Variants in HSP90AA1 observed in about 807,000 individuals in gnomAD.
HSP90AA1 encodes the protein heat shock protein 90 alpha family class A member 1.
Under a neutral mutation model 73.3 loss-of-function variants are expected in HSP90AA1, and 18 were observed. That is an observed-to-expected ratio of 0.25 (90% CI 0.17 to 0.36). HSP90AA1 has a LOEUF of 0.36. Ranked by LOEUF, HSP90AA1 falls within the 10% of genes least tolerant of loss-of-function variation. HSP90AA1 has a pLI of 1.00. For missense variants in HSP90AA1, 704 were observed against 874.2 expected, an observed-to-expected ratio of 0.81 and a Z score of 2.45; for synonymous variants, 477 against 296.9, an observed-to-expected ratio of 1.61 and a Z score of -6.24.
At chr14:102,138,533 G>A (rs1433505651) in intron 1 of HSP90AA1, among the ~76,000 whole-genome samples, 1 of 151,792 alleles carries the variant, frequency 6.6e-6, no homozygotes, top group Admixed American at 6.6e-5. Context: ...ACACTACAAA[G>A]GCTAAAGATG....
rs780982911 is a variant in HSP90AA1 at position 102,080,969 on chromosome 14, G to A, written c.*743C>T. The A allele has an allele frequency of 3.5e-5, 8 of 227,094 alleles. No homozygotes were observed. The highest frequency in any genetic ancestry group is 5.7e-5 in the Admixed American group (1 of 17,588). 14.1% of individuals were successfully genotyped at this position (227,094 alleles called of 1,614,324 possible). A position where few individuals can be genotyped will look rare whatever the true frequency, so the allele number is the denominator to read the frequency against. On this transcript the variant is annotated 3_prime_UTR_variant, in exon 11 of 11. Transcript: ENST00000216281. ...TAGTGTTTAACCATCTCCTGCTAGC[G>A]CCTCATGTTTTACATTTTGGCACTA...
intron 6 of HSP90AA1, 186 bp downstream of exon 6, chr14:102,084,213 A>G: frequency 2.9e-6 from 2 of 682,842 alleles, no homozygotes; most frequent in African/African-American, 1.8e-5. Context: ...CATGGGGCTA[A>G]TTTTTGTAAT....
At chr14:102,093,270 G>A (rs903599007) in intron 2 of HSP90AA1, among the ~76,000 whole-genome samples, 22 of 150,352 alleles carry the variant, frequency 1.5e-4, no homozygotes, top group African/African-American at 5.1e-4. Flanking sequence ...CAGCACTTTC[G>A]GAGGCCAAGG....
upstream of HSP90AA1, among the ~76,000 whole-genome samples, chr14:102,087,345 C>T (rs1267891215): frequency 6.6e-6 from 1 of 151,340 alleles, no homozygotes; most frequent in Non-Finnish European, 1.5e-5. Flanking sequence ...GGTCCGGGCG[C>T]CTTCTGGGGC....
chr14:102,139,423 AC>A, exon 1 of HSP90AA1: 3 of 1,526,756 alleles, frequency 2.0e-6, no homozygotes, highest in Non-Finnish European at 2.6e-6. Flanking sequence ...CCCGTAGGGT[AC>A]CCCGCGTGCT....
intron 1 of HSP90AA1, among the ~76,000 whole-genome samples, chr14:102,110,495 C>G (rs2049626018): frequency 6.6e-6 from 1 of 152,076 alleles, no homozygotes; most frequent in Non-Finnish European, 1.5e-5. Flanking sequence ...TCTCGACTCA[C>G]TGCAACCTCT....
chr14:102,099,993 C>T (rs576012140), intron 2 of HSP90AA1, among the ~76,000 whole-genome samples: 1 of 152,096 alleles, frequency 6.6e-6, no homozygotes, highest in Non-Finnish European at 1.5e-5. Flanking sequence ...TCAAGACCAG[C>T]CTGGGTGATA....
intron 1 of HSP90AA1, among the ~76,000 whole-genome samples, chr14:102,120,713 C>T (rs967377561): frequency 5.9e-5 from 9 of 151,852 alleles, no homozygotes; most frequent in Admixed American, 2.0e-4. Flanking sequence ...GAGGCTGAGG[C>T]GGGCCGATTA....
chr14:102,087,753 G>GA (rs1191773981), upstream of HSP90AA1, among the ~76,000 whole-genome samples: 1 of 152,080 alleles, frequency 6.6e-6, no homozygotes, highest in Non-Finnish European at 1.5e-5. Flanking sequence ...TGGGTTCCCC[G>GA]AAAGCCATGT....
chr14:102,095,859 G>T (rs146608722), intron 2 of HSP90AA1, among the ~76,000 whole-genome samples: 10 of 152,166 alleles, frequency 6.6e-5, no homozygotes, highest in African/African-American at 2.4e-4. Context: ...GGTCTTGCTG[G>T]GTTTATCTAT....
At chr14:102,102,134 A>T (rs2049502568) in intron 1 of HSP90AA1, 1 of 1,526,062 alleles carries the variant, frequency 6.6e-7, no homozygotes, top group African/African-American at 1.4e-5. Context: ...AACATAACAG[A>T]GATAGGGCGG....
intron 1 of HSP90AA1, among the ~76,000 whole-genome samples, chr14:102,110,667 C>T (rs2049630212): frequency 6.6e-6 from 1 of 151,756 alleles, no homozygotes; most frequent in Non-Finnish European, 1.5e-5. Flanking sequence ...GCAAGCTCCG[C>T]CTCCCGGGTT....
chr14:102,137,793 G>A (rs898178820), intron 1 of HSP90AA1, among the ~76,000 whole-genome samples: 1 of 151,882 alleles, frequency 6.6e-6, no homozygotes, highest in Admixed American at 6.6e-5. Context: ...AAGGTGGGTG[G>A]ATCAGCAGGT....
At position 102,081,534 on chromosome 14, in the gene HSP90AA1, T is replaced by G; in HGVS notation, c.*178A>C. ...TCAAAAAGCATTACTAGCTCTGCTT[T>G]AGTGCCTAAGGTATCACAGCATCAC... On this transcript the variant is annotated 3_prime_UTR_variant, in exon 11 of 11. Transcript: ENST00000216281. 1 of 619,460 alleles carries G rather than the reference T, an allele frequency of 1.6e-6. No homozygotes were observed. Among genetic ancestry groups the G allele is most frequent in the Non-Finnish European group, 2.9e-6 (1 of 348,254 alleles). 38.4% of individuals were successfully genotyped at this position (619,460 alleles called of 1,614,324 possible). A position where few individuals can be genotyped will look rare whatever the true frequency, so the allele number is the denominator to read the frequency against.
chr14:102,119,524 C>A (rs1340685943), intron 1 of HSP90AA1, among the ~76,000 whole-genome samples: 3 of 152,186 alleles, frequency 2.0e-5, no homozygotes, highest in African/African-American at 7.2e-5. Flanking sequence ...GAGTCTCACT[C>A]ATCACCCAGG....
chr14:102,127,174 G>A (rs2049850507), intron 1 of HSP90AA1, among the ~76,000 whole-genome samples: 1 of 151,816 alleles, frequency 6.6e-6, no homozygotes, highest in Admixed American at 6.6e-5. Context: ...TCCTGTTTCA[G>A]GATCTCAGAT....
chr14:102,138,038 A>G (rs989324848), intron 1 of HSP90AA1, among the ~76,000 whole-genome samples: 46 of 152,132 alleles, frequency 3.0e-4, no homozygotes, highest in Admixed American at 6.6e-4. Context: ...ACTAAACCAA[A>G]GGCTATGCAT....
intron 1 of HSP90AA1, among the ~76,000 whole-genome samples, chr14:102,109,076 A>G (rs1430567814): frequency 1.3e-5 from 2 of 152,220 alleles, no homozygotes; most frequent in Admixed American, 1.3e-4. Flanking sequence ...CACCCAGCTC[A>G]AGATGCAGAC....
chr14:102,117,871 G>A (rs1185322104), intron 1 of HSP90AA1, among the ~76,000 whole-genome samples: 1 of 152,064 alleles, frequency 6.6e-6, no homozygotes, highest in Non-Finnish European at 1.5e-5. Flanking sequence ...TCTCTCTTTG[G>A]GGCCCTGCAG....
Sources: allele counts gnomAD v4.1 joint callset (sites outside exome capture counted in the v4.1 genomes callset), GRCh38; gene constraint gnomAD v4.1.1; transcripts MANE v1.5; gene names NCBI Gene and HGNC (gene_info 2026-07-23, HGNC 2026-07-21).